Variants in CT45A1 observed in about 807,000 individuals in gnomAD.
CT45A1 encodes the protein cancer/testis antigen 45-1.
chrX:135,710,794 C>T (rs2087929774), upstream of CT45A1, among the ~76,000 whole-genome samples: 1 of 112,543 alleles, frequency 8.9e-6, no homozygotes, highest in Non-Finnish European at 1.9e-5. Flanking sequence ...TGAGAACTCT[C>T]ATGAGACCCC....
intron 1 of CT45A1, among the ~76,000 whole-genome samples, chrX:135,717,271 A>G (rs1301224396): frequency 4.5e-5 from 5 of 112,056 alleles, no homozygotes; most frequent in African/African-American, 1.3e-4. Flanking sequence ...TCTTCCAGCC[A>G]GGCATGGTGG....
At chrX:135,712,668 C>T (rs1212720360), upstream of CT45A1, among the ~76,000 whole-genome samples, 1 of 110,422 alleles carries the variant, frequency 9.1e-6, no homozygotes, top group East Asian at 2.8e-4. Flanking sequence ...GCTGTTGGGA[C>T]TACAGGTGCG....
At chrX:135,714,706 C>A (rs1435222015) in intron 1 of CT45A1, among the ~76,000 whole-genome samples, 2 of 110,427 alleles carry the variant, frequency 1.8e-5, no homozygotes, top group African/African-American at 6.6e-5. Flanking sequence ...ATTTCTCTGC[C>A]GATTAATGAG....
chrX:135,718,303 C>G lies in CT45A1; in HGVS notation c.-6-632C>G, dbSNP rs782256418. ...GTACTATTGCATTTTATTTGCTCAC[C>G]CTTAGTTTGGAATTTTTGTGTCTAA... On this transcript the variant is annotated intron_variant, in intron 1 of 4. Coordinates refer to ENST00000594565, the MANE Select transcript of CT45A1 (RefSeq NM_001017417.3). Among the ~76,000 whole-genome samples, 12 of 110,746 alleles carry G rather than the reference C, an allele frequency of 1.1e-4. No homozygotes were observed. In the South Asian group the frequency reaches 4.2e-3, roughly 39 times the overall value.
chrX:135,709,559 T>G (rs1241655177), upstream of CT45A1, among the ~76,000 whole-genome samples: 1 of 112,710 alleles, frequency 8.9e-6, no homozygotes, highest in Non-Finnish European at 1.9e-5. Flanking sequence ...TGAGCCACTG[T>G]GTCTGGCGAA....
chrX:135,715,363 TTA>T (rs1458894673), intron 1 of CT45A1, among the ~76,000 whole-genome samples: 1,058 of 28,455 alleles, frequency 0.037, 38 homozygotes, highest in Middle Eastern at 0.059. Flanking sequence ...CATATAATAC[TTA>T]TATATATAAT....
chrX:135,714,885 T>C (rs1276244334), intron 1 of CT45A1, among the ~76,000 whole-genome samples: 2 of 106,380 alleles, frequency 1.9e-5, no homozygotes, highest in Non-Finnish European at 3.9e-5. Context: ...GTCATTTAAC[T>C]ATGTCTTTCA....
chrX:135,714,299 C>A (rs1285194839), intron 1 of CT45A1, among the ~76,000 whole-genome samples: 5 of 109,027 alleles, frequency 4.6e-5, no homozygotes, highest in Non-Finnish European at 9.5e-5. Context: ...TGCTTATCCG[C>A]GATGTGGACG....
chrX:135,715,035 G>A (rs1252710848), intron 1 of CT45A1, among the ~76,000 whole-genome samples: 15 of 106,096 alleles, frequency 1.4e-4, no homozygotes, highest in East Asian at 2.9e-4. Context: ...ATAAAAATAC[G>A]TATACAATTT....
At chrX:135,714,064 A>T (rs1217542821) in intron 1 of CT45A1, among the ~76,000 whole-genome samples, 1 of 105,386 alleles carries the variant, frequency 9.5e-6, no homozygotes, top group Non-Finnish European at 2.0e-5. Flanking sequence ...ACTCAGTCGC[A>T]GTCCTGAGCG....
chrX:135,718,230 A>G lies in CT45A1; in HGVS notation c.-6-705A>G, dbSNP rs375863256. 1.1e-3 allele frequency among the ~76,000 whole-genome samples: 124 copies of G among 111,534 alleles called. 1 individual carries two copies. Among genetic ancestry groups the G allele is most frequent in the Middle Eastern group, 4.6e-3 (1 of 216 alleles). On this transcript the variant is annotated intron_variant, in intron 1 of 4. Transcript: ENST00000594565. ...TTATCGATTATCAAATGTTAAATCA[A>G]TGTTGCCTTTCTGCAATATACTCCA...
chrX:135,712,970 T>TTTCC (rs2087945597), upstream of CT45A1, among the ~76,000 whole-genome samples: 2 of 61,869 alleles, frequency 3.2e-5, no homozygotes, highest in African/African-American at 1.2e-4. Context: ...TCTTTCTTTC[T>TTTCC]TTCTTTTCTT....
At chrX:135,712,179 C>CTTTTTTTTTTTTTTTTTTTTTTT (rs782572662), upstream of CT45A1, among the ~76,000 whole-genome samples, 3 of 48,424 alleles carry the variant, frequency 6.2e-5, 1 homozygote, top group African/African-American at 1.7e-4. Context: ...TTTTTTCTTT[C>CTTTTTTTTTTTTTTTTTTTTTTT]TTTTTTTTTT....
At chrX:135,712,925 TTTC>T (rs1242465030), upstream of CT45A1, among the ~76,000 whole-genome samples, 1 of 92,232 alleles carries the variant, frequency 1.1e-5, no homozygotes, top group South Asian at 5.4e-4. Flanking sequence ...TTTCTTTTCT[TTTC>T]TTTTCTTTTT....
intron 1 of CT45A1, among the ~76,000 whole-genome samples, chrX:135,716,001 G>A (rs782630315): frequency 2.5e-4 from 28 of 110,223 alleles, no homozygotes; most frequent in African/African-American, 8.9e-4. Flanking sequence ...CCCTTCAAAC[G>A]ACATGAACTC....
upstream of CT45A1, among the ~76,000 whole-genome samples, chrX:135,710,591 T>C (rs1331708902): frequency 1.8e-5 from 2 of 112,310 alleles, no homozygotes; most frequent in African/African-American, 6.5e-5. Context: ...CAGCAATGAC[T>C]GTAGCCAGGT....
upstream of CT45A1, among the ~76,000 whole-genome samples, chrX:135,712,134 A>G (rs782249464): frequency 6.7e-4 from 71 of 106,596 alleles, no homozygotes; most frequent in Admixed American, 1.1e-3. Flanking sequence ...AAAATGATTA[A>G]TAGATGCAAT....
chrX:135,710,462 T>C (rs2087928196), upstream of CT45A1: 1 of 112,372 alleles, frequency 8.9e-6, no homozygotes, highest in African/African-American at 3.2e-5. Context: ...ACTTCTCTTT[T>C]TACAATAGAA....
upstream of CT45A1, among the ~76,000 whole-genome samples, chrX:135,710,911 T>C (rs1313825911): frequency 2.0e-4 from 22 of 112,180 alleles, no homozygotes; most frequent in Non-Finnish European, 2.8e-4. Context: ...TCAATGTCCC[T>C]GACAATTCAG....
Sources: allele counts gnomAD v4.1 joint callset (sites outside exome capture counted in the v4.1 genomes callset), GRCh38; gene constraint gnomAD v4.1.1; transcripts MANE v1.5; gene names NCBI Gene and HGNC (gene_info 2026-07-23, HGNC 2026-07-21).